PCAT7: variants seen among roughly 807,000 people sequenced by gnomAD.
PCAT7 encodes the protein prostate cancer associated transcript 7.
chr9:94,567,531 T>G lies in PCAT7; in HGVS notation n.442-5448T>G, dbSNP rs1425754330. 3.5e-6 allele frequency: 4 copies of G among 1,152,484 alleles called. No individual in the cohort carries two copies. The African/African-American group carries it at 4.6e-5, about 13-fold the overall frequency. 71.4% of individuals were successfully genotyped at this position (1,152,484 alleles called of 1,614,324 possible). A position where few individuals can be genotyped will look rare whatever the true frequency, so the allele number is the denominator to read the frequency against. ...TGGCAGAGCTGGGGCTTGGCTGTGGTCACTCTGAACCTGCTCTTTGGTGTT... is the reference window on the plus strand; with the variant it reads ...TGGCAGAGCTGGGGCTTGGCTGTGGGCACTCTGAACCTGCTCTTTGGTGTT... On this transcript the variant is annotated intron_variant and non_coding_transcript_variant, in intron 2 of 8. Transcript: ENST00000647389.
At chr9:94,574,399 A>AT (rs1165528847) in intron 3 of PCAT7, among the ~76,000 whole-genome samples, 2 of 152,008 alleles carry the variant, frequency 1.3e-5, no homozygotes, top group Non-Finnish European at 1.5e-5. Context: ...TTTAACTTCT[A>AT]TTTTTTATGA....
intron 2 of PCAT7, among the ~76,000 whole-genome samples, chr9:94,561,625 AAAGTACT>A (rs1827105482): frequency 6.6e-6 from 1 of 152,046 alleles, no homozygotes; most frequent in South Asian, 2.1e-4. Context: ...TTGGCCTCCC[AAAGTACT>A]AGGATTACAG....
At chr9:94,562,294 A>G (rs1827120209) in intron 2 of PCAT7, among the ~76,000 whole-genome samples, 1 of 137,220 alleles carries the variant, frequency 7.3e-6, no homozygotes, top group Non-Finnish European at 1.5e-5. Flanking sequence ...TGGGCGACAG[A>G]GCAAGACTCC....
chr9:94,571,747 A>G, intron 2 of PCAT7: 1 of 715,604 alleles, frequency 1.4e-6, no homozygotes, highest in Non-Finnish European at 2.2e-6. Context: ...CATCCAGAGG[A>G]AACGAGTGGC....
At chr9:94,573,384 G>A (rs904145917) in intron 3 of PCAT7, among the ~76,000 whole-genome samples, 1 of 152,112 alleles carries the variant, frequency 6.6e-6, no homozygotes, top group Non-Finnish European at 1.5e-5. Flanking sequence ...TCAACTTCTT[G>A]AGTAGCTGGG....
chr9:94,562,336 T>A (rs7037602), intron 2 of PCAT7, among the ~76,000 whole-genome samples: 1,609 of 145,036 alleles, frequency 0.011, 33 homozygotes, highest in African/African-American at 0.039. Flanking sequence ...AAAAAAAGAA[T>A]GTCCATTGTC....
intron 1 of PCAT7, among the ~76,000 whole-genome samples, chr9:94,555,894 G>GTAGA (rs1268433196): frequency 6.6e-6 from 1 of 150,550 alleles, no homozygotes; most frequent in African/African-American, 2.4e-5. Flanking sequence ...ATAGTTTGGG[G>GTAGA]TAGATGGAAG....
upstream of PCAT7, among the ~76,000 whole-genome samples, chr9:94,554,890 G>A (rs891645428): frequency 6.6e-6 from 1 of 152,130 alleles, no homozygotes; most frequent in Non-Finnish European, 1.5e-5. Flanking sequence ...TGCCAGAAAT[G>A]ACGCGCCGCT....
intron 2 of PCAT7, chr9:94,569,177 C>G (rs1827237352): frequency 6.6e-6 from 1 of 152,228 alleles, no homozygotes; most frequent in African/African-American, 2.4e-5. Context: ...AGGCCAAGGT[C>G]AGGCATGTAC....
chr9:94,567,712 G>A (rs1233726674), intron 2 of PCAT7: 2 of 314,876 alleles, frequency 6.4e-6, no homozygotes, highest in African/African-American at 4.2e-5. Flanking sequence ...CTCATTTATG[G>A]TGAACCCAAC....
chr9:94,568,615 C>T (rs897968511), intron 2 of PCAT7: 2 of 152,108 alleles, frequency 1.3e-5, no homozygotes, highest in South Asian at 2.1e-4. Context: ...GAGGTATTCC[C>T]GGAATATAAA....
Position 94,567,340 on chromosome 9 carries a change from A to G in PCAT7, n.442-5639A>G, listed in dbSNP as rs1827204397. 3.1e-6 allele frequency: 5 copies of G among 1,614,042 alleles called. No individual in the cohort carries two copies. In the South Asian group the frequency reaches 3.3e-5, roughly 11 times the overall value. On this transcript the variant is annotated intron_variant and non_coding_transcript_variant, in intron 2 of 8. Transcript: ENST00000647389. ...AAAATACTTGGCATAGCCCTCATTC[A>G]GGCTGTAAATCTTTCCTTTCTTCTT... is the stretch of plus-strand genomic sequence containing the variant.
intron 2 of PCAT7, among the ~76,000 whole-genome samples, chr9:94,563,661 C>G (rs1446150336): frequency 6.6e-6 from 1 of 152,134 alleles, no homozygotes; most frequent in Non-Finnish European, 1.5e-5. Flanking sequence ...TGTGACTGGA[C>G]TTAACAAATG....
At chr9:94,559,823 C>G (rs1001493197) in intron 2 of PCAT7, among the ~76,000 whole-genome samples, 4 of 152,144 alleles carry the variant, frequency 2.6e-5, no homozygotes, top group Non-Finnish European at 5.9e-5. Context: ...ACTGTACTAT[C>G]TGTATTCTCA....
At chr9:94,559,274 G>A in intron 2 of PCAT7, 2 of 698,442 alleles carry the variant, frequency 2.9e-6, no homozygotes, top group East Asian at 5.5e-5. Context: ...GCAAGAGTGG[G>A]CCCGAGCTTT....
chr9:94,571,652 A>G (rs1037716699), intron 2 of PCAT7: 11 of 1,533,308 alleles, frequency 7.2e-6, no homozygotes, highest in African/African-American at 1.4e-5. Flanking sequence ...CTCTGGAGAG[A>G]ACACTTTGCC....
chr9:94,557,662 C>T (rs901785960), intron 1 of PCAT7, among the ~76,000 whole-genome samples: 1 of 152,196 alleles, frequency 6.6e-6, no homozygotes, highest in African/African-American at 2.4e-5. Context: ...CCCGACACTG[C>T]CTTCCCCTAA....
chr9:94,567,167 A>G, intron 2 of PCAT7: 1 of 1,168,154 alleles, frequency 8.6e-7, no homozygotes, highest in Middle Eastern at 2.9e-4. Context: ...AGCCATAAAC[A>G]GTGGCACCAA....
intron 2 of PCAT7, chr9:94,563,499 T>C: frequency 5.0e-6 from 8 of 1,601,360 alleles, no homozygotes; most frequent in Non-Finnish European, 6.8e-6. Context: ...ATCCAGTGGC[T>C]TTCAGGATTA....
Sources: gnomAD v4.1 joint callset for allele counts (sites outside exome capture counted in the v4.1 genomes callset) on GRCh38, gnomAD v4.1.1 for gene constraint, MANE v1.5 for transcripts, NCBI Gene and HGNC (gene_info 2026-07-23, HGNC 2026-07-21) for gene names.